NTNG1: variants seen among roughly 807,000 people sequenced by gnomAD.
The protein encoded by NTNG1 is netrin-G1.
In NTNG1, 16 loss-of-function variants were observed where a neutral mutation model predicts 54.0. The ratio of observed to expected loss-of-function variants is 0.30; its 90% confidence interval spans 0.20 to 0.45. The LOEUF is 0.45. Among genes scored for constraint, NTNG1 ranks in the 20% least tolerant of loss-of-function variants. NTNG1 has a pLI of 1.00. For missense variants in NTNG1, 530 were observed against 678.7 expected, an observed-to-expected ratio of 0.78 and a Z score of 2.43; for synonymous variants, 255 against 263.1, an observed-to-expected ratio of 0.97 and a Z score of 0.30.
intron 7 of NTNG1, 35 bp from the exon 8 acceptor site, chr1:107,480,570 CCCCGCG>C: frequency 1.9e-6 from 1 of 533,690 alleles, no homozygotes; most frequent in East Asian, 3.3e-5. Context: ...TGCTTCTCCT[CCCCGCG>C]CCCACCCACC....
At chr1:107,361,172 ATATAT>A (rs1000454766) in intron 3 of NTNG1, among the ~76,000 whole-genome samples, 14 of 144,604 alleles carry the variant, frequency 9.7e-5, no homozygotes, top group African/African-American at 2.0e-4. Flanking sequence ...AAAATATAAT[ATATAT>A]TATATTATAT....
chr1:107,224,596 T>A (rs1660557753), intron 2 of NTNG1, among the ~76,000 whole-genome samples: 2 of 152,108 alleles, frequency 1.3e-5, no homozygotes, highest in African/African-American at 4.8e-5. Context: ...TAGCTTCTTT[T>A]GTGGTCAGAC....
intron 5 of NTNG1, among the ~76,000 whole-genome samples, chr1:107,429,138 C>G (rs1038148694): frequency 2.0e-5 from 3 of 151,992 alleles, no homozygotes; most frequent in Non-Finnish European, 4.4e-5. Context: ...TCAGCATCCC[C>G]CCTTTCTTCT....
At chr1:107,261,557 A>G (rs1663327334) in intron 2 of NTNG1, among the ~76,000 whole-genome samples, 1 of 152,196 alleles carries the variant, frequency 6.6e-6, no homozygotes, top group Non-Finnish European at 1.5e-5. Flanking sequence ...TAAAAAGATA[A>G]CTAGGGCCAG....
At chr1:107,448,815 C>A (rs940372168) in intron 7 of NTNG1, among the ~76,000 whole-genome samples, 1 of 151,918 alleles carries the variant, frequency 6.6e-6, no homozygotes, top group African/African-American at 2.4e-5. Flanking sequence ...TAAGAAAAAC[C>A]ATGAAAACTT....
intron 7 of NTNG1, among the ~76,000 whole-genome samples, chr1:107,449,104 T>G (rs1676470545): frequency 6.6e-6 from 1 of 152,002 alleles, no homozygotes; most frequent in Non-Finnish European, 1.5e-5. Flanking sequence ...ATTGCTTATT[T>G]GAAAAGAGAT....
At chr1:107,260,922 C>G (rs1286084179) in intron 2 of NTNG1, 1 of 152,102 alleles carries the variant, frequency 6.6e-6, no homozygotes, top group Non-Finnish European at 1.5e-5. Flanking sequence ...AAAGGAGATT[C>G]CAGCTGGGAC....
chr1:107,397,370 A>G (rs1474151003), intron 4 of NTNG1, among the ~76,000 whole-genome samples: 1 of 152,144 alleles, frequency 6.6e-6, no homozygotes, highest in Non-Finnish European at 1.5e-5. Flanking sequence ...AACCCCTTTG[A>G]CTAAATCTCT....
chr1:107,273,960 T>TAAGTGTTAAG (rs57640902), intron 2 of NTNG1, among the ~76,000 whole-genome samples: 1 of 152,212 alleles, frequency 6.6e-6, no homozygotes, highest in African/African-American at 2.4e-5. Context: ...GTAACTTGAC[T>TAAGTGTTAAG]AATTTGAGAA....
At chr1:107,223,262 CTG>C (rs1660468721) in intron 2 of NTNG1, among the ~76,000 whole-genome samples, 1 of 151,286 alleles carries the variant, frequency 6.6e-6, no homozygotes, top group African/African-American at 2.4e-5. Context: ...GTGTGTGTGT[CTG>C]TGTGTGCGCA....
intron 2 of NTNG1, among the ~76,000 whole-genome samples, chr1:107,199,953 G>A (rs1355071455): frequency 6.6e-6 from 1 of 151,868 alleles, no homozygotes; most frequent in Non-Finnish European, 1.5e-5. Flanking sequence ...CTATGAAGCA[G>A]TGATGCTTTT....
At chr1:107,184,648 C>A (rs1223891192) in intron 2 of NTNG1, among the ~76,000 whole-genome samples, 1 of 152,102 alleles carries the variant, frequency 6.6e-6, no homozygotes, top group Non-Finnish European at 1.5e-5. Context: ...TAGTGTAAGC[C>A]TTTTTCTACC....
At chr1:107,203,174 C>A (rs1658889640) in intron 2 of NTNG1, among the ~76,000 whole-genome samples, 1 of 151,550 alleles carries the variant, frequency 6.6e-6, no homozygotes, top group South Asian at 2.1e-4. Context: ...CAAGAATGTT[C>A]TTTAATTCTT....
chr1:107,363,815 T>C (rs1670430255), intron 3 of NTNG1, among the ~76,000 whole-genome samples: 2 of 152,222 alleles, frequency 1.3e-5, no homozygotes, highest in African/African-American at 4.8e-5. Context: ...GTATATTTCC[T>C]CAAATATTAT....
In NTNG1 at chr1:107,324,825, A is replaced by C; in HGVS notation, c.790A>C (p.Ile264Leu). ...RDFFTVTDLR[I>L]RLLRPAVGEI... ...TTTCTTTACAGTCACAGACCTGAGG[A>C]TAAGGCTGTTAAGACCAGCCGTTGG... The change falls in exon 3 of 8, where the codon ATA (isoleucine) becomes CTA (leucine). Residue 264 changes from isoleucine (I) to leucine (L), a missense_variant. Transcript: ENST00000370068. The C allele has an allele frequency of 6.2e-7, 1 of 1,613,538 alleles. No individual in the cohort carries two copies. The highest frequency in any genetic ancestry group is 8.5e-7 in the Non-Finnish European group (1 of 1,179,636).
chr1:107,156,735 C>G (rs1655027211), intron 2 of NTNG1, among the ~76,000 whole-genome samples: 1 of 152,138 alleles, frequency 6.6e-6, no homozygotes, highest in Non-Finnish European at 1.5e-5. Flanking sequence ...AGGGACAGAA[C>G]TGCCATTGAA....
At chr1:107,449,343 T>A (rs1405848380) in intron 7 of NTNG1, among the ~76,000 whole-genome samples, 2 of 151,940 alleles carry the variant, frequency 1.3e-5, no homozygotes, top group Non-Finnish European at 2.9e-5. Flanking sequence ...TCTCTGGGGG[T>A]GGGCTCCAGG....
At chr1:107,381,560 T>G (rs1179558819) in intron 3 of NTNG1, among the ~76,000 whole-genome samples, 1 of 152,162 alleles carries the variant, frequency 6.6e-6, no homozygotes, top group Non-Finnish European at 1.5e-5. Flanking sequence ...GGCCATAAGT[T>G]GCAGATTGCT....
chr1:107,388,083 G>A (rs1179316945), intron 3 of NTNG1, among the ~76,000 whole-genome samples: 1 of 152,114 alleles, frequency 6.6e-6, no homozygotes, highest in African/African-American at 2.4e-5. Flanking sequence ...TGTTCTTGGG[G>A]ATTAGGACTA....
Sources: gnomAD v4.1 joint callset for allele counts (sites outside exome capture counted in the v4.1 genomes callset) on GRCh38, gnomAD v4.1.1 for gene constraint, MANE v1.5 for transcripts, NCBI Gene and HGNC (gene_info 2026-07-23, HGNC 2026-07-21) for gene names.